ZNF804A: variants seen among roughly 807,000 people sequenced by gnomAD.
ZNF804A encodes the protein zinc finger protein 804A.
ZNF804A carries 2 observed loss-of-function variants against 16.5 expected under a neutral mutation model. The observed-to-expected ratio is 0.12, with a 90% CI of 0.05 to 0.38. The LOEUF is 0.38. ZNF804A is among the 10% of genes least tolerant of loss of function. The probability of loss-of-function intolerance (pLI) is 0.99; values close to 1 mark genes in which losing one functional copy is unlikely to be tolerated. For synonymous variants in ZNF804A, 534 were observed against 489.6 expected, an observed-to-expected ratio of 1.09 and a Z score of -1.20; for missense variants, 1,473 against 1,390.7, an observed-to-expected ratio of 1.06 and a Z score of -0.94.
intron 1 of ZNF804A, among the ~76,000 whole-genome samples, chr2:184,825,496 ATGTG>A (rs1006247843): frequency 6.6e-6 from 1 of 151,778 alleles, no homozygotes; most frequent in Non-Finnish European, 1.5e-5. Context: ...ATGTGTGTGC[ATGTG>A]TGTGTGTGTA....
chr2:184,671,034 A>G (rs551413064), intron 1 of ZNF804A, among the ~76,000 whole-genome samples: 90 of 152,240 alleles, frequency 5.9e-4, no homozygotes, highest in Middle Eastern at 3.4e-3. Context: ...CCAATAATCT[A>G]TTTGTTCAGG....
chr2:184,827,988 C>A (rs1009587779), intron 1 of ZNF804A, among the ~76,000 whole-genome samples: 3 of 151,698 alleles, frequency 2.0e-5, no homozygotes, highest in African/African-American at 7.3e-5. Context: ...ATCATCTATT[C>A]TATTTAATGG....
At chr2:184,787,883 G>C (rs932234638) in intron 1 of ZNF804A, among the ~76,000 whole-genome samples, 1 of 150,376 alleles carries the variant, frequency 6.6e-6, no homozygotes, top group Admixed American at 6.6e-5. Flanking sequence ...TGTTACATTT[G>C]CTTTTGAGGT....
intron 1 of ZNF804A, among the ~76,000 whole-genome samples, chr2:184,671,666 A>G (rs1193285225): frequency 1.3e-5 from 2 of 152,186 alleles, no homozygotes; most frequent in African/African-American, 4.8e-5. Context: ...TGATTGAATA[A>G]AGTTGAATTA....
rs1356324070 is a variant in ZNF804A at position 184,616,908 on chromosome 2, T to C, written c.111+17838T>C. The stretch of plus-strand genomic sequence containing the variant: ...TTGCTGTTCTAGGCTAAAATACATG[T>C]GGTTTGGCTTCAGTGGACATGTTCC... On this transcript the variant is annotated intron_variant, in intron 1 of 3. Coordinates refer to ENST00000302277, the MANE Select transcript of ZNF804A (RefSeq NM_194250.2). Among the ~76,000 whole-genome samples, 4 of 152,160 alleles carry C rather than the reference T, an allele frequency of 2.6e-5. No individual in the cohort carries two copies. The South Asian group carries it at 6.2e-4, about 24-fold the overall frequency.
At chr2:184,659,445 A>G (rs1243002093) in intron 1 of ZNF804A, among the ~76,000 whole-genome samples, 4 of 152,072 alleles carry the variant, frequency 2.6e-5, no homozygotes, top group African/African-American at 9.7e-5. Context: ...TTTCCAAAAC[A>G]GTTTTAGTGT....
At chr2:184,698,951 T>C (rs1692878524) in intron 1 of ZNF804A, among the ~76,000 whole-genome samples, 1 of 152,088 alleles carries the variant, frequency 6.6e-6, no homozygotes, top group Non-Finnish European at 1.5e-5. Context: ...TACCAATCAA[T>C]GGCAGGGAAG....
intron 1 of ZNF804A, among the ~76,000 whole-genome samples, chr2:184,622,628 A>T (rs183444881): frequency 4.1e-4 from 62 of 152,058 alleles, no homozygotes; most frequent in Non-Finnish European, 8.1e-4. Flanking sequence ...TTTCAATAAT[A>T]CTGACATCTT....
intron 1 of ZNF804A, among the ~76,000 whole-genome samples, chr2:184,747,346 A>G (rs1693805720): frequency 6.7e-6 from 1 of 148,718 alleles, no homozygotes; most frequent in African/African-American, 2.4e-5. Context: ...AAAAAAAGAA[A>G]TGTTTGAAAT....
intron 1 of ZNF804A, among the ~76,000 whole-genome samples, chr2:184,753,904 C>T (rs1487185544): frequency 6.6e-6 from 1 of 151,722 alleles, no homozygotes; most frequent in East Asian, 1.9e-4. Flanking sequence ...CAAAAGATAT[C>T]CAATTAAATT....
rs58269460 is a variant in ZNF804A at position 184,935,728 on chromosome 2, A to AT, written c.387-46dup. ...TTTTTAAAGATGAAAATATTTGACTATTTTTTTTTCTCAAAAGTGTGCTAT... is the reference window on the plus strand; with the variant it reads ...TTTTTAAAGATGAAAATATTTGACTATTTTTTTTTTCTCAAAAGTGTGCTAT... On this transcript the variant is annotated intron_variant, in intron 3 of 3. Transcript: ENST00000302277. The AT allele has an allele frequency of 0.013, 19,016 of 1,446,368 alleles. 1,666 individuals are homozygous for AT. The African/African-American group carries it at 0.22, about 17-fold the overall frequency. 89.6% of individuals were successfully genotyped at this position (1,446,368 alleles called of 1,614,324 possible). A position where few individuals can be genotyped will look rare whatever the true frequency, so the allele number is the denominator to read the frequency against.
intron 1 of ZNF804A, among the ~76,000 whole-genome samples, chr2:184,742,003 TCA>T (rs1693715738): frequency 6.6e-6 from 1 of 152,098 alleles, no homozygotes; most frequent in African/African-American, 2.4e-5. Flanking sequence ...ATTTATATAT[TCA>T]GTCTAATTTT....
intron 1 of ZNF804A, among the ~76,000 whole-genome samples, chr2:184,611,457 A>T (rs1691238297): frequency 6.6e-6 from 1 of 152,180 alleles, no homozygotes; most frequent in African/African-American, 2.4e-5. Context: ...CTAAATATTT[A>T]TGAAGACATG....
intron 1 of ZNF804A, among the ~76,000 whole-genome samples, chr2:184,673,969 A>G (rs748023163): frequency 3.9e-5 from 6 of 152,172 alleles, no homozygotes; most frequent in Non-Finnish European, 8.8e-5. Context: ...ACAAATAATA[A>G]ACTATCTCAC....
chr2:184,873,629 C>G (rs1302566795), intron 2 of ZNF804A, among the ~76,000 whole-genome samples: 1 of 151,876 alleles, frequency 6.6e-6, no homozygotes, highest in African/African-American at 2.4e-5. Flanking sequence ...ACTTACAAAA[C>G]CAAGAAGAAT....
At chr2:184,724,674 G>A (rs934220130) in intron 1 of ZNF804A, among the ~76,000 whole-genome samples, 16 of 151,760 alleles carry the variant, frequency 1.1e-4, no homozygotes, top group African/African-American at 3.4e-4. Context: ...CTATAAGTAT[G>A]AATAAGAAAA....
chr2:184,860,429 T>G (rs1695781493), intron 1 of ZNF804A, among the ~76,000 whole-genome samples: 1 of 152,230 alleles, frequency 6.6e-6, no homozygotes, highest in African/African-American at 2.4e-5. Context: ...TAGCAGTGAA[T>G]GAACCTAGAT....
intron 1 of ZNF804A, among the ~76,000 whole-genome samples, chr2:184,852,534 T>C (rs1320662945): frequency 1.3e-5 from 2 of 149,912 alleles, no homozygotes; most frequent in African/African-American, 4.9e-5. Flanking sequence ...ACTAATGTCA[T>C]AGAGATCTCC....
chr2:184,862,269 G>T (rs149722592), intron 1 of ZNF804A, among the ~76,000 whole-genome samples: 1 of 152,308 alleles, frequency 6.6e-6, no homozygotes, highest in African/African-American at 2.4e-5. Flanking sequence ...AAAGAGAGGG[G>T]TCATGGAACG....
Sources: allele counts gnomAD v4.1 joint callset (sites outside exome capture counted in the v4.1 genomes callset), GRCh38; gene constraint gnomAD v4.1.1; transcripts MANE v1.5; gene names NCBI Gene and HGNC (gene_info 2026-07-23, HGNC 2026-07-21).